Variants in RFFL observed in about 807,000 individuals in gnomAD.
RFFL encodes the protein ring finger and FYVE like domain containing E3 ubiquitin protein ligase.
Under a neutral mutation model 40.4 loss-of-function variants are expected in RFFL, and 16 were observed. The ratio of observed to expected loss-of-function variants is 0.40; its 90% CI spans 0.27 to 0.60. The LOEUF is 0.60. Among genes scored for constraint, RFFL ranks in the 20% least tolerant of loss-of-function variants. The pLI is 0.47. For missense variants in RFFL, 367 were observed against 451.7 expected (o/e 0.81, Z 1.70); for synonymous variants, 154 against 167.9 (o/e 0.92, Z 0.64).
At chr17:35,039,052 G>A (rs2142342676) in intron 1 of RFFL, among the ~76,000 whole-genome samples, 1 of 152,090 alleles carries the variant, frequency 6.6e-6, no homozygotes, top group South Asian at 2.1e-4. Context: ...GGGACTACAG[G>A]CGCGCACCAC....
chr17:35,039,586 A>G (rs1051765677), intron 1 of RFFL, among the ~76,000 whole-genome samples: 1 of 152,202 alleles, frequency 6.6e-6, no homozygotes, highest in East Asian at 1.9e-4. Flanking sequence ...AAAATAAAAA[A>G]TAAAACCCCA....
chr17:35,068,567 C>CA (rs762749675), upstream of RFFL, among the ~76,000 whole-genome samples: 337 of 152,354 alleles, frequency 2.2e-3, no homozygotes, highest in Admixed American at 3.9e-3. Context: ...CCCACTGGTG[C>CA]AGTTACCAGA....
In RFFL at chr17:35,056,565, C is replaced by T. The variant is rs536739238; in HGVS notation, c.-9+7011G>A. Among the ~76,000 whole-genome samples, 117 of 151,916 alleles carry T rather than the reference C, an allele frequency of 7.7e-4. 1 individual carries two copies. The South Asian group carries it at 0.012, about 16-fold the overall frequency. On this transcript the variant is annotated intron_variant, in intron 1 of 6. Transcript: ENST00000394597. ...GCTAATTTTGTATTTTTAGTAGAGA[C>T]GGGATTTCTCCATGTTGGTCAGGCT...
At chr17:35,035,265 C>T (rs1286107597) in intron 1 of RFFL, among the ~76,000 whole-genome samples, 1 of 151,822 alleles carries the variant, frequency 6.6e-6, no homozygotes, top group East Asian at 1.9e-4. Flanking sequence ...AAAAATTAGC[C>T]GGGCATGGTG....
upstream of RFFL, among the ~76,000 whole-genome samples, chr17:35,068,364 G>C (rs574566624): frequency 1.3e-5 from 2 of 152,254 alleles, no homozygotes; most frequent in Non-Finnish European, 2.9e-5. Flanking sequence ...TCTCCTGGGA[G>C]ATAGAGGCTG....
intron 1 of RFFL, among the ~76,000 whole-genome samples, chr17:35,076,081 C>T (rs2091374806): frequency 6.7e-6 from 1 of 149,076 alleles, no homozygotes; most frequent in African/African-American, 2.5e-5. Flanking sequence ...GCAATCTCCA[C>T]CTCCCATGTT....
intron 1 of RFFL, among the ~76,000 whole-genome samples, chr17:35,077,179 A>C (rs2091381506): frequency 6.6e-6 from 1 of 151,676 alleles, no homozygotes. Flanking sequence ...TTTGGTTCTG[A>C]CCTAGGAAAC....
intron 1 of RFFL, among the ~76,000 whole-genome samples, chr17:35,084,869 G>A (rs1362122175): frequency 2.0e-5 from 3 of 151,646 alleles, no homozygotes; most frequent in African/African-American, 2.4e-5. Flanking sequence ...GCAGTGAACC[G>A]AGATCCCGCC....
chr17:35,056,910 T>G (rs1385343221), intron 1 of RFFL, among the ~76,000 whole-genome samples: 2 of 151,940 alleles, frequency 1.3e-5, no homozygotes, highest in African/African-American at 2.4e-5. Context: ...CACCCTTTTT[T>G]TTTTTCTTTT....
intron 2 of RFFL, among the ~76,000 whole-genome samples, chr17:35,022,258 T>C (rs2091013556): frequency 1.3e-5 from 2 of 152,172 alleles, no homozygotes; most frequent in Non-Finnish European, 2.9e-5. Flanking sequence ...AGAGAACCCA[T>C]TTAGCATATC....
chr17:35,021,842 G>T, intron 2 of RFFL, 61 bp from the exon 3 acceptor site: 1 of 1,549,144 alleles, frequency 6.5e-7, no homozygotes, highest in Non-Finnish European at 8.9e-7. Flanking sequence ...CAGAGAGTGC[G>T]ATGGGAGCTT....
upstream of RFFL, among the ~76,000 whole-genome samples, chr17:35,065,669 T>C (rs568125747): frequency 5.4e-4 from 82 of 152,032 alleles, no homozygotes; most frequent in African/African-American, 1.7e-3. Context: ...AACTCCTAAG[T>C]TGACTAAGAG....
rs2090909646 is a variant in RFFL, at chr17:35,008,265, T to C, written c.*3703A>G. On this transcript the variant is annotated 3_prime_UTR_variant, in exon 7 of 7. Coordinates refer to ENST00000394597, the MANE Select transcript of RFFL (RefSeq NM_001017368.2). ...CATCCTTTACCTACCCAGCTCTCAT[T>C]CTCTTCTAGGTTGTTCCATGGCCTC... 1 of 152,236 alleles carries C rather than the reference T, an allele frequency of 6.6e-6. No individual in the cohort carries two copies. Among genetic ancestry groups the C allele is most frequent in the African/African-American group, 2.4e-5 (1 of 41,444 alleles). The allele number at this position is 152,236 out of a possible 1,614,324, so 9.4% of individuals were successfully genotyped here.
intron 1 of RFFL, among the ~76,000 whole-genome samples, chr17:35,071,018 G>A (rs1032582021): frequency 2.6e-5 from 4 of 151,832 alleles, no homozygotes; most frequent in South Asian, 2.1e-4. Flanking sequence ...CCAACAGGGC[G>A]AAACCCAGTC....
At position 35,010,819 on chromosome 17, in the gene RFFL, G is replaced by A. The variant is rs888434487; in HGVS notation, c.*1149C>T. 8.6e-5 allele frequency: 13 copies of A among 151,806 alleles called. No individual in the cohort carries two copies. The highest frequency in any genetic ancestry group is 1.9e-4 in the Non-Finnish European group (13 of 68,010). 9.4% of individuals were successfully genotyped at this position (151,806 alleles called of 1,614,324 possible). On this transcript the variant is annotated 3_prime_UTR_variant, in exon 7 of 7. Coordinates refer to ENST00000394597, the MANE Select transcript of RFFL (RefSeq NM_001017368.2). Reference sequence around the variant, plus strand: ...TGGGCTAGGAAAGGGAATGAAAGTAGGGTCTCCTCACTCCCCACCAACCTG... The same window carrying A: ...TGGGCTAGGAAAGGGAATGAAAGTAAGGTCTCCTCACTCCCCACCAACCTG...
intron 1 of RFFL, among the ~76,000 whole-genome samples, chr17:35,049,339 A>ACCTT (rs2091218830): frequency 6.6e-6 from 1 of 151,980 alleles, no homozygotes; most frequent in African/African-American, 2.4e-5. Flanking sequence ...CATTATCAAA[A>ACCTT]CCTTTACCTG....
chr17:35,011,305 C>T lies in RFFL; in HGVS notation c.*663G>A, dbSNP rs1458672746. On this transcript the variant is annotated 3_prime_UTR_variant, in exon 7 of 7. Coordinates refer to ENST00000394597, the MANE Select transcript of RFFL (RefSeq NM_001017368.2). ...CAGAGTCAGGTCAGGAGACCAACAG[C>T]TTCCAATCCCAGCATTTAATGAAGT... 6.6e-6 allele frequency: 1 copy of T among 152,268 alleles called. No homozygotes were observed. Among genetic ancestry groups the T allele is most frequent in the African/African-American group, 2.4e-5 (1 of 41,452 alleles). The allele number at this position is 152,268 out of a possible 1,614,324, so 9.4% of individuals were successfully genotyped here. A position where few individuals can be genotyped will look rare whatever the true frequency, so the allele number is the denominator to read the frequency against.
In RFFL at chr17:35,038,196, G is replaced by T. The variant is rs184537569; in HGVS notation, c.-8-11635C>A. ...CCCAGCTACTCAGGAGGCTGAGGCAGAAGAATCGCTTGAACCTGGGAGGCA... is the reference window on the plus strand; with the variant it reads ...CCCAGCTACTCAGGAGGCTGAGGCATAAGAATCGCTTGAACCTGGGAGGCA... On this transcript the variant is annotated intron_variant, in intron 1 of 6. Coordinates refer to ENST00000394597, the MANE Select transcript of RFFL (RefSeq NM_001017368.2). 9.9e-4 allele frequency among the ~76,000 whole-genome samples: 146 copies of T among 147,950 alleles called. 1 individual carries two copies. Among genetic ancestry groups the T allele is most frequent in the African/African-American group, 3.0e-3 (119 of 39,950 alleles).
chr17:35,073,472 G>A (rs1456303010), intron 1 of RFFL, among the ~76,000 whole-genome samples: 1 of 152,172 alleles, frequency 6.6e-6, no homozygotes, highest in Non-Finnish European at 1.5e-5. Context: ...TCTTATAAAA[G>A]AAGAAAGACT....
Sources: allele counts gnomAD v4.1 joint callset (sites outside exome capture counted in the v4.1 genomes callset), GRCh38; gene constraint gnomAD v4.1.1; transcripts MANE v1.5; gene names NCBI Gene and HGNC (gene_info 2026-07-23, HGNC 2026-07-21).